Variants in TMTC2 observed in about 807,000 individuals in gnomAD.
TMTC2 encodes the protein protein O-mannosyl-transferase TMTC2.
Under a neutral mutation model 82.4 loss-of-function variants are expected in TMTC2, and 43 were observed. That is an observed-to-expected ratio of 0.52 (90% CI 0.41 to 0.67). TMTC2 has a LOEUF of 0.67. Among genes scored for constraint, TMTC2 ranks in the 30% least tolerant of loss-of-function variants. The pLI is 0.00. For missense variants in TMTC2, 919 were observed against 1,012.4 expected (o/e 0.91, Z 1.25); for synonymous variants, 408 against 381.9 (o/e 1.07, Z -0.80).
intron 3 of TMTC2, among the ~76,000 whole-genome samples, chr12:82,924,409 T>C (rs1336285958): frequency 6.6e-6 from 1 of 152,218 alleles, no homozygotes; most frequent in African/African-American, 2.4e-5. Context: ...TTTTTTGTGT[T>C]TATACAAAAT....
chr12:82,868,558 A>G (rs544897439), intron 2 of TMTC2, among the ~76,000 whole-genome samples: 3 of 152,158 alleles, frequency 2.0e-5, no homozygotes, highest in East Asian at 3.9e-4. Flanking sequence ...TGTTAGTTAT[A>G]TATCTGAAAA....
chr12:82,981,134 A>G (rs905970027), intron 7 of TMTC2, among the ~76,000 whole-genome samples: 2 of 152,002 alleles, frequency 1.3e-5, no homozygotes, highest in African/African-American at 2.4e-5. Context: ...GCATTTAACA[A>G]TTACTGTAGG....
At chr12:82,743,755 G>T (rs1293303687) in intron 1 of TMTC2, among the ~76,000 whole-genome samples, 3 of 152,072 alleles carry the variant, frequency 2.0e-5, no homozygotes, top group Non-Finnish European at 2.9e-5. Flanking sequence ...ACAAATAAAT[G>T]CCTTTCTGAT....
intron 8 of TMTC2, among the ~76,000 whole-genome samples, chr12:82,986,778 A>C (rs1481334004): frequency 6.6e-6 from 1 of 152,200 alleles, no homozygotes; most frequent in African/African-American, 2.4e-5. Flanking sequence ...GTATTGTACC[A>C]CTATGACCTA....
At chr12:82,948,763 C>A (rs1877175711) in intron 4 of TMTC2, among the ~76,000 whole-genome samples, 1 of 152,166 alleles carries the variant, frequency 6.6e-6, no homozygotes, top group Admixed American at 6.5e-5. Flanking sequence ...CAAATTATAA[C>A]CATATCTGTG....
intron 8 of TMTC2, among the ~76,000 whole-genome samples, chr12:83,020,280 T>TG (rs1320179188): frequency 6.6e-5 from 10 of 152,116 alleles, no homozygotes; most frequent in African/African-American, 2.4e-4. Context: ...ACATGGTAGG[T>TG]GCCCAACAAA....
At chr12:82,921,103 A>G (rs980448118) in intron 3 of TMTC2, among the ~76,000 whole-genome samples, 30 of 151,970 alleles carry the variant, frequency 2.0e-4, no homozygotes, top group African/African-American at 7.2e-4. Flanking sequence ...TTTTCCCCCT[A>G]GCAGTTCTGA....
At chr12:82,741,427 T>C (rs1469991412) in intron 1 of TMTC2, among the ~76,000 whole-genome samples, 3 of 152,218 alleles carry the variant, frequency 2.0e-5, no homozygotes, top group South Asian at 4.1e-4. Context: ...TCTCCTGCCT[T>C]AGCCTCCTGA....
chr12:82,883,055 C>CAAAAAAA (rs66496024), intron 2 of TMTC2, among the ~76,000 whole-genome samples: 5 of 68,352 alleles, frequency 7.3e-5, no homozygotes, highest in East Asian at 6.9e-4. Flanking sequence ...AACTTGGTCT[C>CAAAAAAA]AAAAAAAAAA....
At chr12:82,884,151 T>A (rs1235959860) in intron 2 of TMTC2, among the ~76,000 whole-genome samples, 1 of 152,200 alleles carries the variant, frequency 6.6e-6, no homozygotes, top group East Asian at 1.9e-4. Flanking sequence ...TTCTAATAGT[T>A]AGCTCTAGAA....
Position 83,130,205 on chromosome 12 carries a change from C to T in TMTC2, c.2332-2005C>T, listed in dbSNP as rs143348793. 7.9e-5 allele frequency among the ~76,000 whole-genome samples: 12 copies of T among 152,312 alleles called. No homozygotes were observed. The East Asian group carries it at 2.3e-3, about 29-fold the overall frequency. On this transcript the variant is annotated intron_variant, in intron 11 of 11. Transcript: ENST00000321196. ...TAATTTAGGCTGTGAGCATACTTCA[C>T]CATCAGTTTAGTGGCTGTTTATTGA...
intron 2 of TMTC2, among the ~76,000 whole-genome samples, chr12:82,859,453 C>T (rs1481535057): frequency 6.6e-6 from 1 of 152,174 alleles, no homozygotes; most frequent in Non-Finnish European, 1.5e-5. Context: ...CTTGCAGGAC[C>T]TTACGAAGTT....
At position 82,896,476 on chromosome 12, in the gene TMTC2, G is replaced by T; in HGVS notation, c.1313G>T (p.Gly438Val). ...GGCTTCTGCCTACTGATTACAGTGG[G>T]TGCTAGAGCCCTTTATGTCAAAGTC... ...SMGFCLLITV[G>V]ARALYVKVQK... Residue 438 changes from glycine (G) to valine (V), a missense_variant, in exon 3 of 12, where the codon GGT (glycine) becomes GTT (valine). Physicochemically the swap from Gly to Val is moderately radical, Grantham distance 109. Transcript: ENST00000321196. 6.2e-7 allele frequency: 1 copy of T among 1,614,132 alleles called. No homozygotes were observed. Among genetic ancestry groups the T allele is most frequent in the Non-Finnish European group, 8.5e-7 (1 of 1,180,020 alleles).
rs1348512150 is a variant in TMTC2, at chr12:82,963,840, T to C, written c.1599-1184T>C. Among the ~76,000 whole-genome samples the C allele has an allele frequency of 4.9e-5, 6 of 123,080 alleles. 1 individual carries two copies. Among genetic ancestry groups the C allele is most frequent in the South Asian group, 2.7e-4 (1 of 3,762 alleles). The allele number at this position is 123,080 out of a possible 152,430, so 80.7% of individuals were successfully genotyped here. Reference sequence around the variant, plus strand: ...ATATATATATATATATATATATATATATATATATATGTGAAAGTGATCTTA... The same window carrying C: ...ATATATATATATATATATATATATACATATATATATGTGAAAGTGATCTTA... On this transcript the variant is annotated intron_variant, in intron 4 of 11. Transcript: ENST00000321196.
intron 11 of TMTC2, among the ~76,000 whole-genome samples, chr12:83,101,885 T>G (rs538215450): frequency 7.9e-5 from 12 of 152,338 alleles, no homozygotes; most frequent in Non-Finnish European, 1.5e-4. Flanking sequence ...CTAGGGGCTT[T>G]GTATGCAATG....
intron 1 of TMTC2, among the ~76,000 whole-genome samples, chr12:82,729,708 G>C (rs1426736973): frequency 2.6e-5 from 4 of 152,220 alleles, no homozygotes; most frequent in African/African-American, 7.2e-5. Flanking sequence ...GGTGGGGCCA[G>C]ATAGAATAAA....
intron 2 of TMTC2, among the ~76,000 whole-genome samples, chr12:82,881,993 G>GTT (rs1337576571): frequency 7.6e-6 from 1 of 130,742 alleles, no homozygotes; most frequent in Admixed American, 7.3e-5. Flanking sequence ...TTGTTGTTAA[G>GTT]ATTTTTTTTT....
At chr12:82,957,471 A>G (rs1384763150) in intron 4 of TMTC2, among the ~76,000 whole-genome samples, 1 of 152,180 alleles carries the variant, frequency 6.6e-6, no homozygotes, top group Non-Finnish European at 1.5e-5. Flanking sequence ...AACCTAAACT[A>G]GAAAAACATG....
chr12:82,965,523 ATCT>A (rs747342147), intron 5 of TMTC2, 34 bp from the exon 6 acceptor site: 1 of 1,605,284 alleles, frequency 6.2e-7, no homozygotes, highest in African/African-American at 1.3e-5. Flanking sequence ...AGTGTATATC[ATCT>A]TCTCACACTT....
Sources: allele counts gnomAD v4.1 joint callset (sites outside exome capture counted in the v4.1 genomes callset), GRCh38; gene constraint gnomAD v4.1.1; transcripts MANE v1.5; gene names NCBI Gene and HGNC (gene_info 2026-07-23, HGNC 2026-07-21).